The following SYTL2 variants were observed in gnomAD, a reference collection of about 807,000 sequenced individuals.
The protein encoded by SYTL2 is synaptotagmin like 2, also known as synaptotagmin-like protein 2.
SYTL2 carries 165 observed loss-of-function variants against 198.7 expected under a neutral mutation model. The ratio of observed to expected loss-of-function variants is 0.83; its 90% CI spans 0.73 to 0.94. SYTL2 has a LOEUF of 0.94. Ranked by LOEUF, SYTL2 falls within the 40% of genes least tolerant of loss-of-function variation. The pLI, the probability that SYTL2 is intolerant of heterozygous loss-of-function variation, is 0.00. For synonymous variants in SYTL2, 966 were observed against 917.7 expected, an observed-to-expected ratio of 1.05 and a Z score of -0.95; for missense variants, 2,835 against 2,582.8, an observed-to-expected ratio of 1.10 and a Z score of -2.12.
In SYTL2 at chr11:85,727,773, T is replaced by C; in HGVS notation, c.1585A>G (p.Ser529Gly). 6.3e-7 allele frequency: 1 copy of C among 1,575,792 alleles called. No homozygotes were observed. The highest frequency in any genetic ancestry group is 1.3e-5 in the African/African-American group (1 of 74,102). Residue 529 changes from serine to glycine, a missense_variant, in exon 8 of 20, where the codon AGT becomes GGT. Ser to Gly is a moderately conservative substitution (Grantham distance 56). Around this residue, in one of 3 missense-constraint regions of SYTL2, gnomAD observed 2,645 missense variants for 2,381.7 expected, o/e 1.11. Coordinates refer to ENST00000359152, the MANE Select transcript of SYTL2 (RefSeq NM_206927.4). Reference sequence around the variant, plus strand: ...GACTTATTGTCATCTGAATAAGAACTTCGGTTAAACCAGTCTAGAACTTTA... The same window carrying C: ...GACTTATTGTCATCTGAATAAGAACCTCGGTTAAACCAGTCTAGAACTTTA... ...IFKVLDWFNRSSYSDDNKSFL... is the reference protein window; with the variant it reads ...IFKVLDWFNRGSYSDDNKSFL...
the SYTL2 span, among the ~76,000 whole-genome samples, chr11:85,821,993 A>ACTCC: frequency 6.7e-6 from 1 of 150,238 alleles, no homozygotes. Flanking sequence ...TGGGCCTCAT[A>ACTCC]GAGAGCCCTA....
At position 85,727,015 on chromosome 11, in the gene SYTL2, C is replaced by A; in HGVS notation, c.2343G>T (p.Lys781Asn). The A allele has an allele frequency of 6.5e-7, 1 of 1,536,542 alleles. No homozygotes were observed. The highest frequency in any genetic ancestry group is 8.7e-7 in the Non-Finnish European group (1 of 1,146,978). The change falls in exon 8 of 20, where the codon AAG (lysine) becomes AAT (asparagine). Residue 781 changes from lysine to asparagine, a missense_variant. Coordinates refer to ENST00000359152, the MANE Select transcript of SYTL2 (RefSeq NM_206927.4). ...TGTATTTCTCTCTCTGCACTTGGTT[C>A]TTGGGAACCTCACCAGCTTCTTGCT... is the stretch of plus-strand genomic sequence containing the variant. Reference protein sequence around the residue: ...QFQQEAGEVPKNQVQREKYKR... With the variant: ...QFQQEAGEVPNNQVQREKYKR...
chr11:85,795,808 T>C (rs1441454910), intron 1 of SYTL2, among the ~76,000 whole-genome samples: 1 of 151,974 alleles, frequency 6.6e-6, no homozygotes, highest in African/African-American at 2.4e-5. Context: ...ATCAGCAAAC[T>C]GACAGAGCAG....
intron 1 of SYTL2, among the ~76,000 whole-genome samples, chr11:85,764,565 A>G (rs982418579): frequency 1.3e-5 from 2 of 152,198 alleles, no homozygotes; most frequent in African/African-American, 2.4e-5. Context: ...ATGACACTAG[A>G]ACCCAAGTTT....
At chr11:85,791,043 T>C (rs545675086) in intron 1 of SYTL2, among the ~76,000 whole-genome samples, 1 of 151,664 alleles carries the variant, frequency 6.6e-6, no homozygotes, top group South Asian at 2.1e-4. Flanking sequence ...GATGCACACC[T>C]GTAATCCCGG....
At chr11:85,733,724 C>CG in intron 7 of SYTL2, 1 of 433,934 alleles carries the variant, frequency 2.3e-6, no homozygotes, top group Non-Finnish European at 4.1e-6. Context: ...CTCAGCCTCC[C>CG]GAGTAGCTGG....
In SYTL2 at chr11:85,748,284, G is replaced by A. The variant is rs2091294683; in HGVS notation, c.241C>T (p.Pro81Ser). 4 of 1,613,094 alleles carry A rather than the reference G, an allele frequency of 2.5e-6. No homozygotes were observed. In the South Asian group the frequency reaches 4.4e-5, roughly 18 times the overall value. Residue 81 changes from proline (P) to serine (S), a missense_variant, in exon 3 of 20, where the codon CCC (proline) becomes TCC (serine). Physicochemically the swap from Pro to Ser is moderately conservative, Grantham distance 74. Coordinates refer to ENST00000359152, the MANE Select transcript of SYTL2 (RefSeq NM_206927.4). ...CAAGTCAACTCACCTGCTATCTGGG[G>A]CCTCTTCTTTCTCATAGATGCTCTG... ...IIRASMRKKR[P>S]QIAAEQSKDR...
Position 85,734,143 on chromosome 11 carries a change from A to G in SYTL2, c.1186T>C (p.Ser396Pro), listed in dbSNP as rs1432741027. The G allele has an allele frequency of 5.0e-6, 8 of 1,614,046 alleles. No individual in the cohort carries two copies. Among genetic ancestry groups the G allele is most frequent in the African/African-American group, 1.3e-5 (1 of 74,926 alleles). ...TTTGATACATATGGGCTTGAGGTTG[A>G]TTGATGAAAAAGCGAAGGCTTTCTG... ...QYRKPSLFHQ[S>P]TSSPYVSKSE... Residue 396 changes from serine (S) to proline (P), a missense_variant, in exon 7 of 20, where the codon TCA becomes CCA. Physicochemically the swap from Ser to Pro is moderately conservative, Grantham distance 74. Transcript: ENST00000359152.
chr11:85,724,138 C>A lies in SYTL2; in HGVS notation c.5220G>T (p.Ser1740=). 6.3e-7 allele frequency: 1 copy of A among 1,598,742 alleles called. No homozygotes were observed. The highest frequency in any genetic ancestry group is 8.5e-7 in the Non-Finnish European group (1 of 1,176,042). ...KTSKVELTLA[S]PYMKQEKEEE... ...CCTCTTTCTCTTGTTTCATATATGG[C>A]GATGCTAGAGTCAATTCAACTTTAC... The change falls in exon 8 of 20, where the codon TCG becomes TCT. Residue 1740 remains serine (S), a synonymous_variant. Coordinates refer to ENST00000359152, the MANE Select transcript of SYTL2 (RefSeq NM_206927.4).
In SYTL2 at chr11:85,736,527, G is replaced by C. The variant is rs367643817; in HGVS notation, c.560C>G (p.Thr187Ser). Residue 187 changes from threonine (T) to serine (S), a missense_variant, in exon 6 of 20, where the codon ACT becomes AGT. By Grantham distance (58) the Thr-to-Ser change is moderately conservative. Transcript: ENST00000359152. ...TKNEQSKNGR[T>S]GLFQTSKEDE... ...CTCTTTTGAAGTCTGAAATAAACCA[G>C]TTCTTCCATTTTTTGACTGTTCATT... The C allele has an allele frequency of 6.9e-6, 11 of 1,594,674 alleles. No individual in the cohort carries two copies. The highest frequency in any genetic ancestry group is 1.1e-5 in the South Asian group (1 of 89,520).
chr11:85,761,363 C>T (rs2092091843), intron 1 of SYTL2, among the ~76,000 whole-genome samples: 1 of 152,008 alleles, frequency 6.6e-6, no homozygotes, highest in Non-Finnish European at 1.5e-5. Context: ...AGGAAACAAG[C>T]CATGCAGATA....
chr11:85,774,667 G>A (rs1213190457), intron 1 of SYTL2, among the ~76,000 whole-genome samples: 1 of 152,192 alleles, frequency 6.6e-6, no homozygotes, highest in Non-Finnish European at 1.5e-5. Context: ...CTCAAAGTGT[G>A]GAGAGCAAGC....
rs3851177 is a variant in SYTL2 at position 85,725,260 on chromosome 11, T to C, written c.4098A>G (p.Val1366=). The C allele has an allele frequency of 0.015, 25,012 of 1,614,126 alleles. 3,289 individuals are homozygous for C. The African/African-American group carries it at 0.29, about 19-fold the overall frequency. The part of the protein sequence containing the change: ...VEKVILPPRP[V]LNDVSAALQK... ...GTAATGCAGCACTTACATCATTCAA[T>C]ACAGGTCTGGGTGGAAGAATGACTT... Residue 1366 remains valine (V), a synonymous_variant, in exon 8 of 20, where the codon GTA becomes GTG. Transcript: ENST00000359152.
At position 85,726,301 on chromosome 11, in the gene SYTL2, T is replaced by C; in HGVS notation, c.3057A>G (p.Lys1019=). ...ATTTAATGTCGCTGAATTCCTTGTGTTTCTGCCTATTAAAAGGTGCAGAAT... is the reference window on the plus strand; with the variant it reads ...ATTTAATGTCGCTGAATTCCTTGTGCTTCTGCCTATTAAAAGGTGCAGAAT... ...QKNSAPFNRQ[K]HKEFSDIKLS... Residue 1019 remains lysine (K), a synonymous_variant, in exon 8 of 20, where the codon AAA becomes AAG. Transcript: ENST00000359152. The C allele has an allele frequency of 5.6e-6, 9 of 1,614,078 alleles. No homozygotes were observed. The highest frequency in any genetic ancestry group is 7.6e-6 in the Non-Finnish European group (9 of 1,179,966).
chr11:85,793,441 T>C (rs2092760301), intron 1 of SYTL2, among the ~76,000 whole-genome samples: 1 of 152,216 alleles, frequency 6.6e-6, no homozygotes, highest in Non-Finnish European at 1.5e-5. Context: ...TACAAATACC[T>C]TTAAGGAAGG....
At position 85,725,267 on chromosome 11, in the gene SYTL2, C is replaced by A. The variant is rs371413787; in HGVS notation, c.4091G>T (p.Arg1364Ile). ...AGCACTTACATCATTCAATACAGGTCTGGGTGGAAGAATGACTTTCTCTAC... is the reference window on the plus strand; with the variant it reads ...AGCACTTACATCATTCAATACAGGTATGGGTGGAAGAATGACTTTCTCTAC... ...ETVEKVILPPRPVLNDVSAAL... is the reference protein window; with the variant it reads ...ETVEKVILPPIPVLNDVSAAL... The change falls in exon 8 of 20, where the codon AGA becomes ATA. Residue 1364 changes from arginine to isoleucine, a missense_variant. Arg to Ile is a moderately conservative substitution (Grantham distance 97, BLOSUM62 -3). This residue lies in a region of SYTL2 where 2,645 missense variants were observed against 2,381.7 expected (regional missense o/e 1.11). Transcript: ENST00000359152. 9 of 1,614,040 alleles carry A rather than the reference C, an allele frequency of 5.6e-6. No individual in the cohort carries two copies. Among genetic ancestry groups the A allele is most frequent in the Non-Finnish European group, 6.8e-6 (8 of 1,180,036 alleles).
the SYTL2 span, among the ~76,000 whole-genome samples, chr11:85,844,753 G>A: frequency 6.6e-6 from 1 of 152,142 alleles, no homozygotes; most frequent in Non-Finnish European, 1.5e-5. Context: ...TTGAAACTGT[G>A]GTCAGTGGAA....
In SYTL2 at chr11:85,695,094, AATAG is replaced by A; in HGVS notation, c.*97_*100del. On this transcript the variant is annotated 3_prime_UTR_variant, in exon 20 of 20. Coordinates refer to ENST00000359152, the MANE Select transcript of SYTL2 (RefSeq NM_206927.4). ...ATGCTGTGTAGTATTCCTTAGGTGC[AATAG>A]ATAGAAAGTGAGGATATTTGTCCAC... 7.9e-7 allele frequency: 1 copy of A among 1,265,870 alleles called. No individual in the cohort carries two copies. Among genetic ancestry groups the A allele is most frequent in the South Asian group, 1.4e-5 (1 of 69,072 alleles). The allele number at this position is 1,265,870 out of a possible 1,614,324, so 78.4% of individuals were successfully genotyped here.
chr11:85,848,030 C>G, the SYTL2 span, among the ~76,000 whole-genome samples: 1 of 152,000 alleles, frequency 6.6e-6, no homozygotes, highest in Non-Finnish European at 1.5e-5. Flanking sequence ...TGTTTGAGAC[C>G]AGCCTAGGCA....
Sources: allele counts gnomAD v4.1 joint callset (sites outside exome capture counted in the v4.1 genomes callset), GRCh38; gene constraint gnomAD v4.1.1; regional missense constraint gnomAD v4.1.1; transcripts MANE v1.5; gene names NCBI Gene and HGNC (gene_info 2026-07-23, HGNC 2026-07-21).